Variants in SCN11A observed in about 807,000 individuals in gnomAD.
The protein encoded by SCN11A is sodium voltage-gated channel alpha subunit 11, also known as sodium channel protein type 11 subunit alpha.
SCN11A carries 122 observed loss-of-function variants against 162.2 expected under a neutral mutation model. That is an observed-to-expected ratio of 0.75 (90% CI 0.65 to 0.87). The LOEUF (loss-of-function observed/expected upper bound fraction) is 0.87. Ranked by LOEUF, SCN11A falls within the 40% of genes least tolerant of loss-of-function variation. The pLI is 0.00. For missense variants in SCN11A, 2,015 were observed against 2,181.6 expected, an observed-to-expected ratio of 0.92 and a Z score of 1.52; for synonymous variants, 758 against 751.5, an observed-to-expected ratio of 1.01 and a Z score of -0.14.
At chr3:38,882,513 G>GA (rs971264041) in intron 22 of SCN11A, among the ~76,000 whole-genome samples, 42 of 152,214 alleles carry the variant, frequency 2.8e-4, no homozygotes, top group Middle Eastern at 6.8e-3. Context: ...ATGCATGATA[G>GA]AAAAAAGCAG....
chr3:38,990,258 A>T (rs535160633), intron 2 of SCN11A, among the ~76,000 whole-genome samples: 1 of 152,218 alleles, frequency 6.6e-6, no homozygotes, highest in Non-Finnish European at 1.5e-5. Flanking sequence ...GAGGGGAGAA[A>T]CTGCTGGGCC....
intron 2 of SCN11A, among the ~76,000 whole-genome samples, chr3:39,026,938 T>C (rs759136209): frequency 9.2e-5 from 14 of 152,174 alleles, no homozygotes; most frequent in Admixed American, 2.6e-4. Flanking sequence ...TAGAAGAGCC[T>C]TATTAGTGTT....
chr3:38,936,416 G>A (rs199591148), intron 7 of SCN11A, among the ~76,000 whole-genome samples: 15,974 of 147,900 alleles, frequency 0.11, 930 homozygotes, highest in Middle Eastern at 0.16. Flanking sequence ...ATTAGGAAAA[G>A]AGGAAGTCAA....
chr3:39,042,304 C>T (rs1224356375), intron 1 of SCN11A, among the ~76,000 whole-genome samples: 1 of 152,054 alleles, frequency 6.6e-6, no homozygotes, highest in East Asian at 1.9e-4. Flanking sequence ...CCTATTCTGC[C>T]TATAAGAAAC....
rs184975075 is a variant in SCN11A at position 39,019,578 on chromosome 3, C to A, written c.-280+12802G>T. On this transcript the variant is annotated intron_variant, in intron 2 of 29. Coordinates refer to ENST00000302328, the MANE Select transcript of SCN11A (RefSeq NM_001349253.2). The stretch of plus-strand genomic sequence containing the variant: ...AGTCCATTGAGCAGTTGCAGTTTCA[C>A]ATGTTTGGTCTATTTTTTCATTGTT... Among the ~76,000 whole-genome samples the A allele has an allele frequency of 5.9e-5, 9 of 152,314 alleles. No individual in the cohort carries two copies. The East Asian group carries it at 1.7e-3, about 29-fold the overall frequency.
chr3:38,984,007 T>A (rs1477578212), intron 2 of SCN11A, among the ~76,000 whole-genome samples: 3 of 152,206 alleles, frequency 2.0e-5, no homozygotes, highest in Non-Finnish European at 2.9e-5. Flanking sequence ...GTCCTGCTGA[T>A]CACATTTCTA....
chr3:38,898,617 C>G (rs1433599293), intron 17 of SCN11A, among the ~76,000 whole-genome samples: 1 of 152,164 alleles, frequency 6.6e-6, no homozygotes, highest in Non-Finnish European at 1.5e-5. Context: ...GAAATTTTAT[C>G]CTAGATCTTC....
intron 23 of SCN11A, among the ~76,000 whole-genome samples, chr3:38,872,731 T>C (rs372840859): frequency 8.0e-4 from 122 of 152,294 alleles, no homozygotes; most frequent in African/African-American, 2.9e-3. Flanking sequence ...TGAGACATTG[T>C]CCTTGATAGG....
At chr3:39,020,773 A>C (rs2125606852) in intron 2 of SCN11A, among the ~76,000 whole-genome samples, 1 of 152,262 alleles carries the variant, frequency 6.6e-6, no homozygotes, top group East Asian at 1.9e-4. Context: ...ACACACACTA[A>C]CACAGATATG....
intron 1 of SCN11A, among the ~76,000 whole-genome samples, chr3:39,043,474 C>T (rs1399517934): frequency 7.6e-6 from 1 of 132,206 alleles, no homozygotes; most frequent in Non-Finnish European, 1.5e-5. Flanking sequence ...CAATGAAGTA[C>T]TATACAGCCA....
intron 2 of SCN11A, among the ~76,000 whole-genome samples, chr3:39,031,442 C>T (rs1190866543): frequency 6.6e-6 from 1 of 151,734 alleles, no homozygotes; most frequent in Non-Finnish European, 1.5e-5. Context: ...AGGAGAATAG[C>T]TTGAACCTGG....
chr3:38,969,186 C>T lies in SCN11A; in HGVS notation c.-279-8763G>A, dbSNP rs147789768. Among the ~76,000 whole-genome samples, 126 of 152,264 alleles carry T rather than the reference C, an allele frequency of 8.3e-4. 1 individual carries two copies. The highest frequency in any genetic ancestry group is 3.0e-3 in the African/African-American group (125 of 41,550). On this transcript the variant is annotated intron_variant, in intron 2 of 29. Coordinates refer to ENST00000302328, the MANE Select transcript of SCN11A (RefSeq NM_001349253.2). Reference sequence around the variant, plus strand: ...GCCAGACTGAGGCTAGGATAGGTGGCCAAGTCTACATGGAGGCCCAGCGAA... The same window carrying T: ...GCCAGACTGAGGCTAGGATAGGTGGTCAAGTCTACATGGAGGCCCAGCGAA...
At chr3:38,883,983 G>A (rs142039495) in intron 21 of SCN11A, among the ~76,000 whole-genome samples, 4 of 152,310 alleles carry the variant, frequency 2.6e-5, no homozygotes, top group East Asian at 1.9e-4. Flanking sequence ...ATGTCGAGAC[G>A]TTTACAAAGA....
intron 28 of SCN11A, among the ~76,000 whole-genome samples, chr3:38,852,365 G>A (rs950013865): frequency 6.6e-6 from 1 of 152,142 alleles, no homozygotes; most frequent in East Asian, 1.9e-4. Flanking sequence ...GCACTCCAGG[G>A]AAGCGGAATG....
At chr3:39,015,921 G>C (rs2031277641) in intron 2 of SCN11A, among the ~76,000 whole-genome samples, 1 of 152,120 alleles carries the variant, frequency 6.6e-6, no homozygotes, top group African/African-American at 2.4e-5. Flanking sequence ...ATTTTTAGTA[G>C]AGACATGGTT....
chr3:38,998,326 C>A (rs935920506), intron 2 of SCN11A, among the ~76,000 whole-genome samples: 6 of 152,180 alleles, frequency 3.9e-5, no homozygotes, highest in Non-Finnish European at 4.4e-5. Flanking sequence ...AGGAAAATGT[C>A]ATTCCTCTTG....
At chr3:39,050,927 G>A (rs934219144) in intron 1 of SCN11A, among the ~76,000 whole-genome samples, 13 of 152,142 alleles carry the variant, frequency 8.5e-5, no homozygotes, top group Non-Finnish European at 1.9e-4. Context: ...ATATCCCACA[G>A]TGTAGTTCTA....
chr3:38,906,509 A>T (rs1304730181), intron 14 of SCN11A, among the ~76,000 whole-genome samples: 3 of 152,196 alleles, frequency 2.0e-5, no homozygotes, highest in African/African-American at 4.8e-5. Context: ...ACCCTCCATC[A>T]AGTTAGCTAA....
rs1033558330 is a variant in SCN11A at position 38,897,163 on chromosome 3, G to A, written c.2085C>T (p.Gly695=). The A allele has an allele frequency of 6.2e-6, 10 of 1,614,106 alleles. No homozygotes were observed. In the East Asian group the frequency reaches 1.8e-4, roughly 29 times the overall value. The change falls in exon 18 of 30, where the codon GGC becomes GGT. Residue 695 remains glycine, a synonymous_variant. Transcript: ENST00000302328. ...PTLNTLIKII[G]NSVGALGSLT... is the part of the protein sequence containing the mutation. ...GGCTTCCAAGGGCTCCGACAGAGTT[G>A]CCGATTATCTTAATTAGTGTGTTCA...
Sources: gnomAD v4.1 joint callset for allele counts (sites outside exome capture counted in the v4.1 genomes callset) on GRCh38, gnomAD v4.1.1 for gene constraint, MANE v1.5 for transcripts, NCBI Gene and HGNC (gene_info 2026-07-23, HGNC 2026-07-21) for gene names.